Variants in RPS6KC1 observed in about 807,000 individuals in gnomAD.
The protein encoded by RPS6KC1 is inactive ribosomal protein S6 kinase delta-1.
In RPS6KC1, 54 loss-of-function variants were observed where a neutral mutation model predicts 103.8. The ratio of observed to expected loss-of-function variants is 0.52; its 90% CI spans 0.42 to 0.65. The LOEUF (loss-of-function observed/expected upper bound fraction) is 0.65, where lower values mean the gene tolerates loss of function less well. Among genes scored for constraint, RPS6KC1 ranks in the 30% least tolerant of loss-of-function variants. The pLI is 0.00. For missense variants in RPS6KC1, 1,151 were observed against 1,253.8 expected, an observed-to-expected ratio of 0.92 and a Z score of 1.24; for synonymous variants, 439 against 438.7, an observed-to-expected ratio of 1.00 and a Z score of -0.01.
At chr1:213,256,645 G>T (rs1388519796) in intron 12 of RPS6KC1, among the ~76,000 whole-genome samples, 2 of 152,178 alleles carry the variant, frequency 1.3e-5, no homozygotes, top group East Asian at 3.8e-4. Context: ...CTTCCTCTAG[G>T]GGATTCTTAG....
the RPS6KC1 span, among the ~76,000 whole-genome samples, chr1:213,624,258 C>T: frequency 1.1e-4 from 16 of 152,344 alleles, no homozygotes; most frequent in South Asian, 4.1e-4. Flanking sequence ...GCTGTGTACT[C>T]AGCATTGTGC....
At chr1:213,711,632 C>G in the RPS6KC1 span, among the ~76,000 whole-genome samples, 1 of 152,120 alleles carries the variant, frequency 6.6e-6, no homozygotes, top group African/African-American at 2.4e-5. Flanking sequence ...GCTGGTTTTT[C>G]CTCATCTTCA....
the RPS6KC1 span, among the ~76,000 whole-genome samples, chr1:213,698,437 T>C: frequency 6.6e-6 from 1 of 152,220 alleles, no homozygotes; most frequent in Non-Finnish European, 1.5e-5. Context: ...TTCCTGAATG[T>C]TATATAACTA....
Position 213,063,495 on chromosome 1 carries a change from A to T in RPS6KC1, c.106-7511A>T, listed in dbSNP as rs138388435. 7.6e-4 allele frequency among the ~76,000 whole-genome samples: 115 copies of T among 152,310 alleles called. 1 individual carries two copies. The highest frequency in any genetic ancestry group is 2.7e-3 in the African/African-American group (111 of 41,564). On this transcript the variant is annotated intron_variant, in intron 1 of 14. Transcript: ENST00000366960. ...ATTTAATTTCTTAGCACAATAAGAG[A>T]TAGTTACTTTTGCTGTGAGACATTG...
intron 6 of RPS6KC1, among the ~76,000 whole-genome samples, chr1:213,150,328 T>TTATC (rs1312103934): frequency 7.3e-6 from 1 of 137,194 alleles, no homozygotes; most frequent in Non-Finnish European, 1.6e-5. Context: ...ATTTATTTAT[T>TTATC]TTTTATTGAT....
At chr1:213,380,840 C>A in the RPS6KC1 span, among the ~76,000 whole-genome samples, 1 of 152,134 alleles carries the variant, frequency 6.6e-6, no homozygotes, top group Non-Finnish European at 1.5e-5. Context: ...GTCTGTCCAC[C>A]TCTCTCCCTC....
chr1:213,624,131 A>G, the RPS6KC1 span, among the ~76,000 whole-genome samples: 17 of 152,160 alleles, frequency 1.1e-4, no homozygotes, highest in African/African-American at 4.1e-4. Context: ...AGGAGGCTGG[A>G]TATAGATGCT....
intron 8 of RPS6KC1, among the ~76,000 whole-genome samples, chr1:213,206,529 A>C (rs2093354270): frequency 6.6e-6 from 1 of 152,256 alleles, no homozygotes; most frequent in African/African-American, 2.4e-5. Context: ...GCCATAAAAA[A>C]GCATGAAAAA....
the RPS6KC1 span, among the ~76,000 whole-genome samples, chr1:213,481,443 G>A: frequency 2.6e-5 from 4 of 152,214 alleles, no homozygotes; most frequent in Admixed American, 2.6e-4. Flanking sequence ...ACCATGACTC[G>A]TTTCATGAGT....
the RPS6KC1 span, among the ~76,000 whole-genome samples, chr1:213,668,182 T>C: frequency 1.2e-4 from 19 of 152,282 alleles, no homozygotes; most frequent in South Asian, 3.9e-3. Flanking sequence ...TTTGCCCAGA[T>C]CCATCAGAGG....
the RPS6KC1 span, among the ~76,000 whole-genome samples, chr1:213,473,958 G>A: frequency 2.6e-5 from 4 of 152,292 alleles, no homozygotes; most frequent in African/African-American, 9.6e-5. Context: ...CCTTAGACCT[G>A]TTGTCAGGTT....
the RPS6KC1 span, among the ~76,000 whole-genome samples, chr1:213,369,982 C>T: frequency 6.6e-6 from 1 of 152,184 alleles, no homozygotes; most frequent in East Asian, 1.9e-4. Flanking sequence ...GGTGCCAAAT[C>T]TGTCTAGGAG....
chr1:213,095,859 C>T (rs1245333097), intron 3 of RPS6KC1, among the ~76,000 whole-genome samples: 1 of 152,202 alleles, frequency 6.6e-6, no homozygotes, highest in African/African-American at 2.4e-5. Flanking sequence ...AGTCTTTTTG[C>T]TCATGGTGCG....
the RPS6KC1 span, among the ~76,000 whole-genome samples, chr1:213,471,527 T>C: frequency 4.1e-4 from 63 of 152,158 alleles, no homozygotes; most frequent in African/African-American, 1.5e-3. Context: ...CCCTCCACCT[T>C]CTCCTACCTT....
chr1:213,691,735 T>C, the RPS6KC1 span, among the ~76,000 whole-genome samples: 2 of 152,034 alleles, frequency 1.3e-5, no homozygotes, highest in Non-Finnish European at 2.9e-5. Flanking sequence ...AGTGGAGATG[T>C]TAATCTGGGA....
At chr1:213,185,539 G>A (rs1035374541) in intron 8 of RPS6KC1, among the ~76,000 whole-genome samples, 5 of 152,018 alleles carry the variant, frequency 3.3e-5, no homozygotes, top group Non-Finnish European at 5.9e-5. Context: ...TCCCAGCTAC[G>A]TGGGAGGCCG....
the RPS6KC1 span, among the ~76,000 whole-genome samples, chr1:213,438,836 C>G: frequency 6.7e-6 from 1 of 149,984 alleles, no homozygotes; most frequent in Admixed American, 6.6e-5. Context: ...CTCTGTCACC[C>G]AGGCTGGAGT....
the RPS6KC1 span, among the ~76,000 whole-genome samples, chr1:213,507,204 C>T: frequency 1.2e-3 from 188 of 152,262 alleles, no homozygotes; most frequent in African/African-American, 4.1e-3. Context: ...ATTTTAGGAT[C>T]CCCACATTTG....
At chr1:213,097,560 C>T (rs2081581735) in intron 3 of RPS6KC1, among the ~76,000 whole-genome samples, 1 of 152,128 alleles carries the variant, frequency 6.6e-6, no homozygotes, top group African/African-American at 2.4e-5. Context: ...CTTAAAGTCA[C>T]CAGCTGCATT....
Sources: gnomAD v4.1 joint callset for allele counts (sites outside exome capture counted in the v4.1 genomes callset) on GRCh38, gnomAD v4.1.1 for gene constraint, MANE v1.5 for transcripts, NCBI Gene and HGNC (gene_info 2026-07-23, HGNC 2026-07-21) for gene names.